GAPVD1: variants seen among roughly 807,000 people sequenced by gnomAD.
GAPVD1 encodes the protein GTPase-activating protein and VPS9 domain-containing protein 1.
Under a neutral mutation model 155.5 loss-of-function variants are expected in GAPVD1, and 35 were observed. The observed-to-expected ratio is 0.23, with a 90% CI of 0.17 to 0.30. GAPVD1 has a LOEUF of 0.30. Ranked by LOEUF, GAPVD1 falls within the 10% of genes least tolerant of loss-of-function variation. The probability of loss-of-function intolerance (pLI) is 1.00; values close to 1 mark genes in which losing one functional copy is unlikely to be tolerated. For synonymous variants in GAPVD1, 636 were observed against 619.7 expected, an observed-to-expected ratio of 1.03 and a Z score of -0.39; for missense variants, 1,429 against 1,775.7, an observed-to-expected ratio of 0.80 and a Z score of 3.51.
At chr9:125,298,382 AT>A (rs1463522336) in intron 3 of GAPVD1, among the ~76,000 whole-genome samples, 11 of 149,758 alleles carry the variant, frequency 7.3e-5, no homozygotes, top group Non-Finnish European at 1.6e-4. Flanking sequence ...GCTTATCTGT[AT>A]TTACCAATTT....
At chr9:125,273,805 C>T (rs982068975) in intron 2 of GAPVD1, among the ~76,000 whole-genome samples, 1 of 152,066 alleles carries the variant, frequency 6.6e-6, no homozygotes, top group Non-Finnish European at 1.5e-5. Flanking sequence ...GTGCAACAAG[C>T]TAGTGGTTTT....
intron 8 of GAPVD1, among the ~76,000 whole-genome samples, chr9:125,310,238 G>A (rs1842469280): frequency 1.3e-5 from 2 of 152,058 alleles, no homozygotes; most frequent in South Asian, 4.2e-4. Context: ...AGCAAATAAA[G>A]GTATGAGTAG....
chr9:125,301,545 T>C (rs1840869655), intron 4 of GAPVD1, among the ~76,000 whole-genome samples: 1 of 151,910 alleles, frequency 6.6e-6, no homozygotes, highest in Non-Finnish European at 1.5e-5. Context: ...ACCTTCTGGG[T>C]TCAAGTGATT....
At chr9:125,319,476 C>T (rs1209055285) in intron 9 of GAPVD1, among the ~76,000 whole-genome samples, 1 of 151,506 alleles carries the variant, frequency 6.6e-6, no homozygotes, top group Non-Finnish European at 1.5e-5. Flanking sequence ...GCAATCACAG[C>T]TCACTGCAAC....
intron 8 of GAPVD1, among the ~76,000 whole-genome samples, chr9:125,311,632 A>G (rs1004102662): frequency 2.0e-5 from 3 of 152,194 alleles, no homozygotes; most frequent in Admixed American, 6.5e-5. Flanking sequence ...AAAAAAACCA[A>G]CACTGATTCT....
chr9:125,263,670 G>A (rs940464056), intron 1 of GAPVD1: 19 of 896,298 alleles, frequency 2.1e-5, no homozygotes, highest in African/African-American at 1.6e-4. Context: ...CTTTCTTGTC[G>A]GCACTAAGTG....
chr9:125,317,625 CAAAA>C (rs1204830778), intron 9 of GAPVD1, among the ~76,000 whole-genome samples: 3 of 55,960 alleles, frequency 5.4e-5, no homozygotes, highest in Non-Finnish European at 7.7e-5. Context: ...AACTCTGTCT[CAAAA>C]AAAAAAAAAA....
chr9:125,320,238 AAC>A (rs1417642627), intron 9 of GAPVD1, among the ~76,000 whole-genome samples: 6 of 152,216 alleles, frequency 3.9e-5, no homozygotes, highest in African/African-American at 1.4e-4. Flanking sequence ...GTGTACCTAA[AAC>A]ATGCTATGTG....
In GAPVD1 at chr9:125,332,059, C is replaced by T. The variant is rs1241270709; in HGVS notation, c.2307C>T (p.Ser769=). ...RPSTPGLSVV[S]GISATSEDIP... ...GCACACCAGGCCTCAGTGTTGTGTC[C>T]GGTATGTCTGTCTTGTTTTAAGGAG... The change falls in exon 14 of 28, where the codon TCC becomes TCT. Residue 769 remains serine (S), a splice_region_variant and synonymous_variant. Coordinates refer to ENST00000297933, the MANE Select transcript of GAPVD1 (RefSeq NM_001282680.3). The T allele has an allele frequency of 1.1e-5, 17 of 1,613,704 alleles. No individual in the cohort carries two copies. Among genetic ancestry groups the T allele is most frequent in the Admixed American group, 1.7e-5 (1 of 59,974 alleles).
intron 12 of GAPVD1, among the ~76,000 whole-genome samples, chr9:125,326,826 C>CAA (rs545657422): frequency 7.7e-6 from 1 of 130,038 alleles, no homozygotes; most frequent in Middle Eastern, 3.7e-3. Flanking sequence ...CCCAGCTGCC[C>CAA]AAAAAAAAAA....
rs183137456 is a variant in GAPVD1, at chr9:125,320,917, C to T, written c.1603-516C>T. ...CTGAGATTACAGGCGTGATCCTCTG[C>T]GCCCAGCCTTGTTGATTTACTTTCT... On this transcript the variant is annotated intron_variant, in intron 9 of 27. Coordinates refer to ENST00000297933, the MANE Select transcript of GAPVD1 (RefSeq NM_001282680.3). Among the ~76,000 whole-genome samples, 8 of 152,312 alleles carry T rather than the reference C, an allele frequency of 5.3e-5. No individual in the cohort carries two copies. The East Asian group carries it at 1.5e-3, about 29-fold the overall frequency.
Position 125,332,282 on chromosome 9 carries a change from G to A in GAPVD1, c.2308+222G>A, listed in dbSNP as rs1846206173. On this transcript the variant is annotated intron_variant, in intron 14 of 27. Coordinates refer to ENST00000297933, the MANE Select transcript of GAPVD1 (RefSeq NM_001282680.3). Reference sequence around the variant, plus strand: ...AAACAGTCTCTCTACAACTGTTTCTGTTCTTAGTAGCCTGTCCTACTTTAG... The same window carrying A: ...AAACAGTCTCTCTACAACTGTTTCTATTCTTAGTAGCCTGTCCTACTTTAG... Among the ~76,000 whole-genome samples the A allele has an allele frequency of 2.0e-5, 3 of 152,266 alleles. No homozygotes were observed. The South Asian group carries it at 6.2e-4, about 32-fold the overall frequency.
chr9:125,355,525 G>T, intron 24 of GAPVD1, 119 bp from the exon 25 acceptor site: 1 of 633,552 alleles, frequency 1.6e-6, no homozygotes, highest in Non-Finnish European at 2.7e-6. Context: ...AAACACTTTT[G>T]GCTTTAAGAT....
At chr9:125,281,527 C>T (rs1336527821) in intron 2 of GAPVD1, among the ~76,000 whole-genome samples, 1 of 152,094 alleles carries the variant, frequency 6.6e-6, no homozygotes, top group Non-Finnish European at 1.5e-5. Context: ...AAGATCAATT[C>T]TTCATATTAT....
At chr9:125,311,089 C>T (rs551217947) in intron 8 of GAPVD1, among the ~76,000 whole-genome samples, 31 of 152,196 alleles carry the variant, frequency 2.0e-4, no homozygotes, top group African/African-American at 6.7e-4. Flanking sequence ...GATCCACCTG[C>T]CTCAGCCTCC....
chr9:125,350,664 G>A, intron 22 of GAPVD1, 49 bp from the exon 23 acceptor site: 1 of 1,166,654 alleles, frequency 8.6e-7, no homozygotes. Flanking sequence ...GCTTATTTAA[G>A]CACATGGAAA....
intron 1 of GAPVD1, among the ~76,000 whole-genome samples, chr9:125,267,496 C>T (rs898190553): frequency 1.3e-5 from 2 of 152,064 alleles, no homozygotes; most frequent in Non-Finnish European, 2.9e-5. Context: ...CTCAGCTCAT[C>T]GCAGTTTCTG....
intron 2 of GAPVD1, among the ~76,000 whole-genome samples, chr9:125,273,496 CTT>C (rs1379407202): frequency 1.1e-4 from 14 of 129,676 alleles, no homozygotes; most frequent in Non-Finnish European, 6.7e-5. Flanking sequence ...TTTTTCTTTT[CTT>C]TTTTTTTTTT....
At chr9:125,296,891 C>T (rs1217158251) in intron 3 of GAPVD1, among the ~76,000 whole-genome samples, 1 of 151,850 alleles carries the variant, frequency 6.6e-6, no homozygotes, top group Non-Finnish European at 1.5e-5. Context: ...AACTCCTGAC[C>T]TCAAGTGAGC....
Sources: allele counts gnomAD v4.1 joint callset (sites outside exome capture counted in the v4.1 genomes callset), GRCh38; gene constraint gnomAD v4.1.1; transcripts MANE v1.5; gene names NCBI Gene and HGNC (gene_info 2026-07-23, HGNC 2026-07-21).